The following LMF1 variants were observed in gnomAD, a reference collection of about 807,000 sequenced individuals.
The protein encoded by LMF1 is lipase maturation factor 1, also known as transmembrane protein 112.
LMF1 carries 68 observed loss-of-function variants against 60.6 expected under a neutral mutation model. The ratio of observed to expected loss-of-function variants is 1.12; its 90% CI spans 0.92 to 1.37. The LOEUF (loss-of-function observed/expected upper bound fraction) is 1.37, where lower values mean the gene tolerates loss of function less well. LMF1 is among the 40% of genes most tolerant of loss of function. The pLI, the probability that LMF1 is intolerant of heterozygous loss-of-function variation, is 0.00. For synonymous variants in LMF1, 418 were observed against 324.7 expected, an observed-to-expected ratio of 1.29 and a Z score of -3.09; for missense variants, 948 against 767.2, an observed-to-expected ratio of 1.24 and a Z score of -2.78.
chr16:868,673 C>T (rs1385279120), intron 10 of LMF1, among the ~76,000 whole-genome samples: 3 of 151,568 alleles, frequency 2.0e-5, no homozygotes, highest in Non-Finnish European at 4.4e-5. Flanking sequence ...GGTCACCCTG[C>T]CCAGAGCAGC....
rs567481664 is a variant in LMF1, at chr16:962,712, A to G, written c.194-8046T>C. ...GCACAGGAAAGTCTGGGAGACTCAC[A>G]GACCAGGGAGGGAGGGAGGAGACGC... On this transcript the variant is annotated intron_variant, in intron 1 of 10. Transcript: ENST00000262301. This position sits in a 1 kb window ranked among gnomAD's most constrained non-coding sequence, Gnocchi z 4.5. 6.6e-6 allele frequency among the ~76,000 whole-genome samples: 1 copy of G among 152,366 alleles called. No individual in the cohort carries two copies. Among genetic ancestry groups the G allele is most frequent in the East Asian group, 1.9e-4 (1 of 5,188 alleles).
At chr16:952,267 C>A (rs55857828) in intron 2 of LMF1, among the ~76,000 whole-genome samples, 48 of 152,098 alleles carry the variant, frequency 3.2e-4, no homozygotes, top group Admixed American at 9.2e-4. Flanking sequence ...AGTGGGGACC[C>A]CCCTTACAAG....
intron 10 of LMF1, among the ~76,000 whole-genome samples, chr16:859,950 G>A (rs1052570008): frequency 1.1e-4 from 14 of 129,348 alleles, no homozygotes; most frequent in Non-Finnish European, 1.9e-4. Context: ...CACGGGATGG[G>A]TGTGCAGTGA....
At chr16:940,791 A>G (rs12598405) in intron 2 of LMF1, among the ~76,000 whole-genome samples, 74,917 of 152,018 alleles carry the variant, frequency 0.49, 20,729 homozygotes, top group African/African-American at 0.75. Flanking sequence ...GGGTAAAGGG[A>G]TTCATCAATT....
At chr16:858,602 G>A (rs1596828062) in intron 10 of LMF1, among the ~76,000 whole-genome samples, 1 of 89,926 alleles carries the variant, frequency 1.1e-5, no homozygotes, top group Non-Finnish European at 2.4e-5. Context: ...TGGTGTCTCG[G>A]GACGGGTGTG....
At chr16:932,834 G>C (rs78751797) in intron 3 of LMF1, among the ~76,000 whole-genome samples, 6 of 151,784 alleles carry the variant, frequency 4.0e-5, no homozygotes, top group African/African-American at 1.5e-4. Context: ...GGCGCACTGC[G>C]GGGGAGGCCC....
At chr16:981,251 C>G (rs1212388785) in exon 1 of LMF1, 1 of 451,342 alleles carries the variant, frequency 2.2e-6, no homozygotes, top group South Asian at 1.6e-5. Context: ...GCGCCACCGG[C>G]CTGCGGGCGA....
chr16:862,635 A>C (rs2069498490), intron 10 of LMF1, among the ~76,000 whole-genome samples: 1 of 152,068 alleles, frequency 6.6e-6, no homozygotes, highest in Non-Finnish European at 1.5e-5. Context: ...AGGTGGGAGG[A>C]CTGCCTGAGC....
At chr16:893,415 C>G in intron 4 of LMF1, 1 of 468,816 alleles carries the variant, frequency 2.1e-6, no homozygotes, top group Non-Finnish European at 4.2e-6. Context: ...ACGCCCTGCA[C>G]AGACCCCACG....
In LMF1 at chr16:897,346, G is replaced by A. The variant is rs982828734; in HGVS notation, c.664-4274C>T. Among the ~76,000 whole-genome samples, 8 of 152,204 alleles carry A rather than the reference G, an allele frequency of 5.3e-5. No individual in the cohort carries two copies. The highest frequency in any genetic ancestry group is 9.6e-5 in the African/African-American group (4 of 41,454). On this transcript the variant is annotated intron_variant, in intron 4 of 10. Coordinates refer to ENST00000262301, the MANE Select transcript of LMF1 (RefSeq NM_022773.4). The surrounding 1 kb of genome is among the most constrained non-coding windows in gnomAD (Gnocchi z 4.3). ...CTGTGTACCCTTGCACAGTGGCTCA[G>A]GACAGACCCCCAGCCCCTACAGTCC...
chr16:895,471 G>A (rs550325583), intron 4 of LMF1, among the ~76,000 whole-genome samples: 1 of 152,232 alleles, frequency 6.6e-6, no homozygotes, highest in African/African-American at 2.4e-5. Context: ...TGGGCCCCTA[G>A]CCGGGGCCAG....
chr16:913,980 C>T (rs894946939), intron 3 of LMF1, among the ~76,000 whole-genome samples: 2 of 152,214 alleles, frequency 1.3e-5, no homozygotes, highest in East Asian at 1.9e-4. Flanking sequence ...CAGACAATGG[C>T]GAATGCCACA....
intron 3 of LMF1, among the ~76,000 whole-genome samples, chr16:922,018 G>A (rs1039188818): frequency 6.6e-5 from 10 of 152,138 alleles, no homozygotes; most frequent in South Asian, 2.1e-4. Flanking sequence ...GGAAACCAGC[G>A]TTCCCCCACA....
intron 1 of LMF1, chr16:979,878 C>G: frequency 2.5e-6 from 1 of 405,554 alleles, no homozygotes; most frequent in South Asian, 1.8e-5. Flanking sequence ...CAGATGAGTT[C>G]CGCGGGCGCC....
At chr16:933,366 G>C (rs2071846979) in intron 3 of LMF1, 1 of 152,512 alleles carries the variant, frequency 6.6e-6, no homozygotes, top group African/African-American at 2.4e-5. Flanking sequence ...ACTCAATATT[G>C]AAGGAATGAA....
intron 3 of LMF1, among the ~76,000 whole-genome samples, chr16:918,636 G>C (rs12921179): frequency 0.033 from 4,960 of 152,310 alleles, 133 homozygotes; most frequent in African/African-American, 0.053. Context: ...CGGGGACGTT[G>C]TGCCCACGGA....
Position 874,382 on chromosome 16 carries a change from T to G in LMF1, c.898-3041A>C, listed in dbSNP as rs1254418572. On this transcript the variant is annotated intron_variant, in intron 6 of 10. Coordinates refer to ENST00000262301, the MANE Select transcript of LMF1 (RefSeq NM_022773.4). The surrounding 1 kb of genome is among the most constrained non-coding windows in gnomAD (Gnocchi z 4.1). ...GGTGGGGTGGGGCCGGACAGCCCGC[T>G]GTGGGCAGGCGCCTCAGAGGTTCCA... Among the ~76,000 whole-genome samples the G allele has an allele frequency of 6.6e-6, 1 of 152,112 alleles. No individual in the cohort carries two copies. Among genetic ancestry groups the G allele is most frequent in the Non-Finnish European group, 1.5e-5 (1 of 67,990 alleles).
chr16:947,144 C>T (rs1222633559), intron 2 of LMF1, among the ~76,000 whole-genome samples: 1 of 152,264 alleles, frequency 6.6e-6, no homozygotes, highest in South Asian at 2.1e-4. Context: ...AAGAGACGCC[C>T]AGGGTGGGCT....
intron 3 of LMF1, among the ~76,000 whole-genome samples, chr16:930,264 C>T (rs1197793610): frequency 2.1e-5 from 3 of 140,550 alleles, no homozygotes; most frequent in African/African-American, 7.5e-5. Context: ...TCCGTCTGAA[C>T]AGGGGCGCAG....
Sources: allele counts gnomAD v4.1 joint callset (sites outside exome capture counted in the v4.1 genomes callset), GRCh38; gene constraint gnomAD v4.1.1; non-coding constraint Gnocchi (gnomAD v3.1); transcripts MANE v1.5; gene names NCBI Gene and HGNC (gene_info 2026-07-23, HGNC 2026-07-21).